The following SPIN1 variants were observed in gnomAD, a reference collection of about 807,000 sequenced individuals.
The protein encoded by SPIN1 is spindlin-1.
Under a neutral mutation model 26.0 loss-of-function variants are expected in SPIN1, and 3 were observed. The observed-to-expected ratio is 0.12, with a 90% CI of 0.05 to 0.30. The LOEUF (loss-of-function observed/expected upper bound fraction) is 0.30, where lower values mean the gene tolerates loss of function less well. Among genes scored for constraint, SPIN1 ranks in the 10% least tolerant of loss-of-function variants. The pLI, the probability that SPIN1 is intolerant of heterozygous loss-of-function variation, is 1.00. For synonymous variants in SPIN1, 101 were observed against 116.5 expected (o/e 0.87, Z 0.86); for missense variants, 126 against 333.4 (o/e 0.38, Z 4.84).
chr9:88,436,754 C>CT (rs776223657), intron 2 of SPIN1, among the ~76,000 whole-genome samples: 1,693 of 98,786 alleles, frequency 0.017, 322 homozygotes, highest in Middle Eastern at 0.026. Flanking sequence ...TCCTCTGTGT[C>CT]TTTTTTTTTT....
chr9:88,434,141 T>C (rs1257036549), intron 2 of SPIN1, among the ~76,000 whole-genome samples: 1 of 151,926 alleles, frequency 6.6e-6, no homozygotes, highest in African/African-American at 2.4e-5. Context: ...GTCTTTATCA[T>C]TGGAGCATCT....
At chr9:88,402,859 A>T (rs147042325) in intron 1 of SPIN1, among the ~76,000 whole-genome samples, 1 of 152,152 alleles carries the variant, frequency 6.6e-6, no homozygotes, top group Non-Finnish European at 1.5e-5. Context: ...TAGTAGTTCT[A>T]TTTTTAGTGT....
chr9:88,420,370 C>T (rs570241743), intron 1 of SPIN1, among the ~76,000 whole-genome samples: 9 of 152,270 alleles, frequency 5.9e-5, no homozygotes, highest in East Asian at 3.9e-4. Flanking sequence ...GGTGAGACTC[C>T]GTCTCAACAA....
intron 1 of SPIN1, among the ~76,000 whole-genome samples, chr9:88,425,373 T>C (rs544576922): frequency 1.3e-4 from 20 of 152,174 alleles, no homozygotes; most frequent in Non-Finnish European, 7.4e-5. Context: ...GAACTAAATT[T>C]GGTTTAAAAG....
chr9:88,465,927 A>G (rs1410542897), intron 4 of SPIN1, among the ~76,000 whole-genome samples: 2 of 152,236 alleles, frequency 1.3e-5, no homozygotes, highest in African/African-American at 2.4e-5. Flanking sequence ...ATGAGAATCT[A>G]CTTGTTCTTT....
At chr9:88,403,454 A>G (rs1459584178) in intron 1 of SPIN1, among the ~76,000 whole-genome samples, 1 of 152,178 alleles carries the variant, frequency 6.6e-6, no homozygotes, top group African/African-American at 2.4e-5. Context: ...AATCACTGTA[A>G]TCCCAGCAGT....
chr9:88,389,581 G>A (rs1340874574), intron 1 of SPIN1, among the ~76,000 whole-genome samples: 1 of 152,134 alleles, frequency 6.6e-6, no homozygotes, highest in Non-Finnish European at 1.5e-5. Context: ...TGGTAAATAT[G>A]GATTGTTTGG....
intron 2 of SPIN1, among the ~76,000 whole-genome samples, chr9:88,438,590 T>G (rs1828055390): frequency 6.6e-6 from 1 of 152,314 alleles, no homozygotes; most frequent in East Asian, 1.9e-4. Context: ...TGATCTATAG[T>G]CAACTAGATT....
intron 1 of SPIN1, among the ~76,000 whole-genome samples, chr9:88,394,808 A>AT (rs397952642): frequency 0.15 from 17,101 of 114,034 alleles, 1,604 homozygotes; most frequent in South Asian, 0.28. Context: ...TATTTAATGT[A>AT]TTTTTTTTTT....
chr9:88,443,837 T>C (rs1228598098), intron 2 of SPIN1, among the ~76,000 whole-genome samples: 1 of 152,138 alleles, frequency 6.6e-6, no homozygotes, highest in Non-Finnish European at 1.5e-5. Flanking sequence ...CAGGATGGCT[T>C]GATCAACTTC....
chr9:88,427,483 A>G (rs1055534846), intron 2 of SPIN1, among the ~76,000 whole-genome samples: 1 of 152,170 alleles, frequency 6.6e-6, no homozygotes, highest in Non-Finnish European at 1.5e-5. Flanking sequence ...TTTAAGGTAT[A>G]TGAGAGCTTA....
At chr9:88,393,449 T>TG (rs1826977267) in intron 1 of SPIN1, among the ~76,000 whole-genome samples, 1 of 97,388 alleles carries the variant, frequency 1.0e-5, no homozygotes, top group Non-Finnish European at 1.9e-5. Context: ...TTTTGGGTTT[T>TG]TTTTTTTTTT....
At chr9:88,452,611 A>G (rs1286148562) in intron 3 of SPIN1, among the ~76,000 whole-genome samples, 4 of 152,198 alleles carry the variant, frequency 2.6e-5, no homozygotes, top group Admixed American at 6.5e-5. Context: ...GGTATTCCCA[A>G]AGTGCGCAGT....
At chr9:88,445,583 T>C (rs1193210344) in intron 2 of SPIN1, among the ~76,000 whole-genome samples, 3 of 150,004 alleles carry the variant, frequency 2.0e-5, no homozygotes, top group Non-Finnish European at 4.4e-5. Context: ...GGAGTCTTGC[T>C]CTGGGCTGGA....
chr9:88,408,831 G>T (rs1373240921), intron 1 of SPIN1, among the ~76,000 whole-genome samples: 1 of 151,194 alleles, frequency 6.6e-6, no homozygotes, highest in East Asian at 1.9e-4. Flanking sequence ...CTGCCACCAT[G>T]CCTGGCTAAT....
chr9:88,454,933 A>T (rs997530409), intron 3 of SPIN1, among the ~76,000 whole-genome samples: 12 of 152,188 alleles, frequency 7.9e-5, no homozygotes, highest in Non-Finnish European at 1.5e-5. Context: ...TTGAGGGGAA[A>T]ATTACCGTTG....
intron 2 of SPIN1, among the ~76,000 whole-genome samples, chr9:88,436,303 A>G (rs1276646749): frequency 6.6e-6 from 1 of 152,210 alleles, no homozygotes; most frequent in Non-Finnish European, 1.5e-5. Context: ...CAATCTTTCT[A>G]CAGTTTTAGA....
At chr9:88,456,557 C>T (rs1238740959) in intron 3 of SPIN1, among the ~76,000 whole-genome samples, 2 of 152,328 alleles carry the variant, frequency 1.3e-5, no homozygotes, top group East Asian at 3.9e-4. Flanking sequence ...CTTACCTCCT[C>T]TTGATTTAAA....
chr9:88,397,607 A>G (rs1424419123), intron 1 of SPIN1, among the ~76,000 whole-genome samples: 2 of 150,988 alleles, frequency 1.3e-5, no homozygotes, highest in East Asian at 1.9e-4. Flanking sequence ...ACCGACTCCA[A>G]CAAGCATCAG....
Sources: gnomAD v4.1 joint callset for allele counts (sites outside exome capture counted in the v4.1 genomes callset) on GRCh38, gnomAD v4.1.1 for gene constraint, MANE v1.5 for transcripts, NCBI Gene and HGNC (gene_info 2026-07-23, HGNC 2026-07-21) for gene names.